Variants in POP1 observed in about 807,000 individuals in gnomAD.
The protein encoded by POP1 is ribonucleases P/MRP protein subunit POP1.
In POP1, 75 loss-of-function variants were observed where a neutral mutation model predicts 102.2. That is an observed-to-expected ratio of 0.73 (90% CI 0.61 to 0.89). POP1 has a LOEUF of 0.89. POP1 is among the 40% of genes least tolerant of loss of function. The probability of loss-of-function intolerance (pLI) is 0.00; values close to 1 mark genes in which losing one functional copy is unlikely to be tolerated. For missense variants in POP1, 1,116 were observed against 1,267.4 expected (o/e 0.88, Z 1.81); for synonymous variants, 436 against 464.1 (o/e 0.94, Z 0.78).
In POP1 at chr8:98,159,144, T is replaced by C. The variant is rs184030369; in HGVS notation, c.*873T>C. 6.6e-6 allele frequency: 1 copy of C among 152,362 alleles called. No homozygotes were observed. Among genetic ancestry groups the C allele is most frequent in the East Asian group, 1.9e-4 (1 of 5,190 alleles). The allele number at this position is 152,362 out of a possible 1,614,324, so 9.4% of individuals were successfully genotyped here. A position where few individuals can be genotyped will look rare whatever the true frequency, so the allele number is the denominator to read the frequency against. ...AGAACTTCTGGAAACTTCCATGTGA[T>C]AATGTGCATTGCGGATCTCTAGGAA... On this transcript the variant is annotated 3_prime_UTR_variant, in exon 16 of 16. Transcript: ENST00000401707.
intron 14 of POP1, among the ~76,000 whole-genome samples, chr8:98,154,626 A>T (rs946210209): frequency 6.6e-6 from 1 of 152,194 alleles, no homozygotes; most frequent in Non-Finnish European, 1.5e-5. Flanking sequence ...AGGATGATTT[A>T]GGCAGATGCT....
Position 98,150,474 on chromosome 8 carries a change from A to G in POP1, c.1903-11A>G. 1 of 1,613,746 alleles carries G rather than the reference A, an allele frequency of 6.2e-7. No individual in the cohort carries two copies. Among genetic ancestry groups the G allele is most frequent in the Non-Finnish European group, 8.5e-7 (1 of 1,179,996 alleles). ...GGTAGACTGACAGTATCTTTTTGAC[A>G]TTTCTTTTAGATTTATCGAGGTGTG... On this transcript the variant is annotated splice_polypyrimidine_tract_variant and intron_variant, in intron 13 of 15. Coordinates refer to ENST00000401707, the MANE Select transcript of POP1 (RefSeq NM_001145860.2).
intron 5 of POP1, among the ~76,000 whole-genome samples, chr8:98,131,216 T>A (rs1270438601): frequency 6.6e-6 from 1 of 152,236 alleles, no homozygotes; most frequent in East Asian, 1.9e-4. Context: ...TCTCCAGAAC[T>A]TTTTTATCCT....
chr8:98,155,966 G>A lies in POP1; in HGVS notation c.2058-84G>A, dbSNP rs1272048455. On this transcript the variant is annotated intron_variant, in intron 14 of 15. Transcript: ENST00000401707. ...GTGTGTGTGTGTGTGTTTTAAAATAGAGATGCATTATAATGGTTATAATTA... is the reference window on the plus strand; with the variant it reads ...GTGTGTGTGTGTGTGTTTTAAAATAAAGATGCATTATAATGGTTATAATTA... 7 of 931,322 alleles carry A rather than the reference G, an allele frequency of 7.5e-6. No homozygotes were observed. In the Admixed American group the frequency reaches 1.1e-4, roughly 14 times the overall value. 57.7% of individuals were successfully genotyped at this position (931,322 alleles called of 1,614,324 possible).
intron 11 of POP1, among the ~76,000 whole-genome samples, chr8:98,142,568 C>T (rs1253609937): frequency 2.0e-5 from 3 of 152,092 alleles, no homozygotes; most frequent in Admixed American, 6.5e-5. Context: ...TAGTTTCTGC[C>T]GTACTAGCTG....
intron 13 of POP1, among the ~76,000 whole-genome samples, 187 bp downstream of exon 13, chr8:98,149,193 TTATA>T (rs1809451826): frequency 6.6e-6 from 1 of 152,196 alleles, no homozygotes; most frequent in Non-Finnish European, 1.5e-5. Flanking sequence ...CAGGTTCTCA[TTATA>T]AGACCTGTGC....
At chr8:98,139,946 C>T (rs1337185888) in intron 9 of POP1, 132 bp from the exon 10 acceptor site, 13 of 753,078 alleles carry the variant, frequency 1.7e-5, no homozygotes, top group Non-Finnish European at 3.1e-5. Flanking sequence ...TGGCAACTTC[C>T]CTGGTTCATC....
intron 13 of POP1, among the ~76,000 whole-genome samples, chr8:98,149,490 C>T (rs1262011245): frequency 6.6e-6 from 1 of 151,748 alleles, no homozygotes; most frequent in African/African-American, 2.4e-5. Context: ...GGTGTGGTGG[C>T]TCACTCCTGT....
chr8:98,156,027 T>C (rs754349193), intron 14 of POP1, 23 bp from the exon 15 acceptor site: 25 of 1,612,122 alleles, frequency 1.6e-5, no homozygotes, highest in Non-Finnish European at 2.1e-5. Flanking sequence ...TCAACATTGG[T>C]TCTCCTGTAT....
chr8:98,128,446 T>G lies in POP1; in HGVS notation c.392T>G (p.Val131Gly), dbSNP rs772213370. The stretch of plus-strand genomic sequence containing the variant: ...ACCCAGAAGTCTTCGAATTCACTGG[T>G]TTTTCAGACTCTGCCACGGCACATG... ...AVTQKSSNSL[V>G]FQTLPRHMRR... Residue 131 changes from valine to glycine, a missense_variant, in exon 4 of 16, where the codon GTT (valine) becomes GGT (glycine). Physicochemically the swap from Val to Gly is moderately radical, Grantham distance 109. Transcript: ENST00000401707. 7 of 1,614,024 alleles carry G rather than the reference T, an allele frequency of 4.3e-6. No individual in the cohort carries two copies. Among genetic ancestry groups the G allele is most frequent in the South Asian group, 2.2e-5 (2 of 91,068 alleles).
At chr8:98,155,512 A>C (rs1809623092) in intron 14 of POP1, among the ~76,000 whole-genome samples, 1 of 151,966 alleles carries the variant, frequency 6.6e-6, no homozygotes, top group Non-Finnish European at 1.5e-5. Context: ...CGAACTCCTG[A>C]CGTGACGTGA....
chr8:98,133,574 G>T (rs73701265), intron 5 of POP1, among the ~76,000 whole-genome samples: 1 of 152,210 alleles, frequency 6.6e-6, no homozygotes, highest in East Asian at 1.9e-4. Context: ...GTAGACTTTG[G>T]GGGTGAATGG....
At chr8:98,141,833 G>C (rs925841439) in intron 11 of POP1, among the ~76,000 whole-genome samples, 1 of 151,280 alleles carries the variant, frequency 6.6e-6, no homozygotes, top group Admixed American at 6.6e-5. Context: ...CTCCCAAAGT[G>C]CTGGGATTAC....
intron 1 of POP1, among the ~76,000 whole-genome samples, chr8:98,118,862 A>G (rs1054930750): frequency 2.0e-5 from 3 of 152,176 alleles, no homozygotes; most frequent in African/African-American, 7.2e-5. Context: ...GTGGAAAAAA[A>G]AAAAAGAATA....
At position 98,158,762 on chromosome 8, in the gene POP1, C is replaced by G. The variant is rs557651380; in HGVS notation, c.*491C>G. ...CAATTCTGTACTGTGATTTCCATGC[C>G]GAACAACTCAAGCCTTAAAGAGAGA... On this transcript the variant is annotated 3_prime_UTR_variant, in exon 16 of 16. Transcript: ENST00000401707. The G allele has an allele frequency of 6.4e-6, 1 of 155,676 alleles. No individual in the cohort carries two copies. Among genetic ancestry groups the G allele is most frequent in the Admixed American group, 6.4e-5 (1 of 15,726 alleles). 9.6% of individuals were successfully genotyped at this position (155,676 alleles called of 1,614,324 possible).
intron 14 of POP1, among the ~76,000 whole-genome samples, chr8:98,152,619 T>G (rs1809545082): frequency 6.6e-6 from 1 of 152,232 alleles, no homozygotes; most frequent in East Asian, 1.9e-4. Context: ...TTCAACCATT[T>G]AAAAACGTAG....
chr8:98,156,141 T>G lies in POP1; in HGVS notation c.2149T>G (p.Ser717Ala). ...GGAGCAGTTAACTCAAGACTGGGAG[T>G]CAAGAGTCCAGGCTTACGAAGAACC... ...PWEQLTQDWE[S>A]RVQAYEEPSV... The change falls in exon 15 of 16, where the codon TCA (serine) becomes GCA (alanine). Residue 717 changes from serine to alanine, a missense_variant. Ser to Ala is a moderately conservative substitution (Grantham distance 99). Coordinates refer to ENST00000401707, the MANE Select transcript of POP1 (RefSeq NM_001145860.2). 1 of 1,613,646 alleles carries G rather than the reference T, an allele frequency of 6.2e-7. No homozygotes were observed. The highest frequency in any genetic ancestry group is 8.5e-7 in the Non-Finnish European group (1 of 1,179,954).
At position 98,127,589 on chromosome 8, in the gene POP1, T is replaced by TA; in HGVS notation, c.143-5dup. 6.2e-7 allele frequency: 1 copy of TA among 1,614,128 alleles called. No individual in the cohort carries two copies. Among genetic ancestry groups the TA allele is most frequent in the Admixed American group, 1.7e-5 (1 of 60,016 alleles). ...GGTGACATGTTTCTTTTTGAAAATA[T>TA]ACTAGAGCCTCATCCTGGAACTTCA... On this transcript the variant is annotated splice_polypyrimidine_tract_variant and splice_region_variant and intron_variant, in intron 2 of 15. Coordinates refer to ENST00000401707, the MANE Select transcript of POP1 (RefSeq NM_001145860.2).
intron 12 of POP1, among the ~76,000 whole-genome samples, chr8:98,148,134 T>C (rs1809405361): frequency 6.6e-6 from 1 of 152,128 alleles, no homozygotes; most frequent in East Asian, 1.9e-4. Flanking sequence ...TAGTTTGGAA[T>C]TACTAACACA....
Sources: allele counts gnomAD v4.1 joint callset (sites outside exome capture counted in the v4.1 genomes callset), GRCh38; gene constraint gnomAD v4.1.1; transcripts MANE v1.5; gene names NCBI Gene and HGNC (gene_info 2026-07-23, HGNC 2026-07-21).